MGAT4C: variants seen among roughly 807,000 people sequenced by gnomAD.
MGAT4C encodes the protein alpha-1,3-mannosyl-glycoprotein 4-beta-N-acetylglucosaminyltransferase C.
In MGAT4C, 19 loss-of-function variants were observed where a neutral mutation model predicts 40.1. The observed-to-expected ratio is 0.47, with a 90% CI of 0.33 to 0.70. The LOEUF (loss-of-function observed/expected upper bound fraction) is 0.70, where lower values mean the gene tolerates loss of function less well. Ranked by LOEUF, MGAT4C falls within the 30% of genes least tolerant of loss-of-function variation. MGAT4C has a pLI of 0.02. For missense variants in MGAT4C, 491 were observed against 563.2 expected, an observed-to-expected ratio of 0.87 and a Z score of 1.30; for synonymous variants, 181 against 187.1, an observed-to-expected ratio of 0.97 and a Z score of 0.27.
rs139230818 is a variant in MGAT4C at position 86,368,539 on chromosome 12, CCATCTTAGCA to C, written c.-119-34422_-119-34413del. Among the ~76,000 whole-genome samples, 1,092 of 151,764 alleles carry C rather than the reference CCATCTTAGCA, an allele frequency of 7.2e-3. 15 individuals carry two copies. The highest frequency in any genetic ancestry group is 0.025 in the African/African-American group (1,049 of 41,414). ...TGTAGGTGATTATCACTATAAACTT[CCATCTTAGCA>C]CTGCTTTTGCTACATCTCATAAGAT... On this transcript the variant is annotated intron_variant, in intron 3 of 7. Transcript: ENST00000548651.
chr12:86,767,804 C>A (rs1325050859), intron 1 of MGAT4C, among the ~76,000 whole-genome samples: 1 of 152,060 alleles, frequency 6.6e-6, no homozygotes, highest in African/African-American at 2.4e-5. Flanking sequence ...AGGCCTTTGA[C>A]AAAATTCAAC....
chr12:86,295,462 G>A (rs980371170), intron 4 of MGAT4C, among the ~76,000 whole-genome samples: 1 of 152,152 alleles, frequency 6.6e-6, no homozygotes, highest in African/African-American at 2.4e-5. Context: ...CAGGAGTGAA[G>A]CTGCAGATTT....
At chr12:86,231,555 A>G (rs968188870) in intron 1 of MGAT4C, among the ~76,000 whole-genome samples, 2 of 152,308 alleles carry the variant, frequency 1.3e-5, no homozygotes, top group South Asian at 2.1e-4. Flanking sequence ...TTAATAAATA[A>G]TGTCTTTATA....
chr12:86,210,926 A>G (rs999201873), intron 1 of MGAT4C, among the ~76,000 whole-genome samples: 4 of 152,086 alleles, frequency 2.6e-5, no homozygotes, highest in Non-Finnish European at 5.9e-5. Flanking sequence ...TCACCTTGCT[A>G]TCAGTTTGTT....
chr12:86,207,521 A>G (rs552760756), intron 1 of MGAT4C, among the ~76,000 whole-genome samples: 48 of 152,284 alleles, frequency 3.2e-4, no homozygotes, highest in Non-Finnish European at 5.3e-4. Flanking sequence ...ATTTTGAAGA[A>G]TGAATACAAG....
At chr12:86,445,745 G>C (rs1266282286) in intron 2 of MGAT4C, among the ~76,000 whole-genome samples, 1 of 152,058 alleles carries the variant, frequency 6.6e-6, no homozygotes, top group African/African-American at 2.4e-5. Context: ...GACAACATGA[G>C]TGAGTCTCAA....
At chr12:86,670,272 G>A (rs568626995) in intron 2 of MGAT4C, among the ~76,000 whole-genome samples, 2 of 152,076 alleles carry the variant, frequency 1.3e-5, no homozygotes, top group African/African-American at 4.8e-5. Flanking sequence ...GAAGCTCAAT[G>A]AATTCCAACT....
At chr12:85,997,424 C>G (rs1255188654) in intron 2 of MGAT4C, among the ~76,000 whole-genome samples, 1 of 152,160 alleles carries the variant, frequency 6.6e-6, no homozygotes, top group African/African-American at 2.4e-5. Flanking sequence ...AACAGTCCCT[C>G]AAAGTCTAAA....
intron 1 of MGAT4C, among the ~76,000 whole-genome samples, chr12:86,741,606 C>G (rs77577837): frequency 0.012 from 1,811 of 151,488 alleles, 29 homozygotes; most frequent in African/African-American, 0.042. Context: ...ATAAAATTTA[C>G]TTTTAACTCA....
intron 3 of MGAT4C, among the ~76,000 whole-genome samples, chr12:86,392,851 C>T (rs1355067306): frequency 6.6e-6 from 1 of 152,148 alleles, no homozygotes; most frequent in Non-Finnish European, 1.5e-5. Flanking sequence ...AATTCATCAT[C>T]AATTTGTACA....
intron 1 of MGAT4C, among the ~76,000 whole-genome samples, chr12:86,788,527 A>C (rs1951971928): frequency 6.6e-6 from 1 of 152,080 alleles, no homozygotes; most frequent in Admixed American, 6.6e-5. Context: ...CTTTTCCTTT[A>C]AATCTAGGAG....
At chr12:86,308,301 T>C (rs1327950137) in intron 4 of MGAT4C, among the ~76,000 whole-genome samples, 2 of 150,602 alleles carry the variant, frequency 1.3e-5, no homozygotes, top group Non-Finnish European at 2.9e-5. Flanking sequence ...TTGTTTCAAG[T>C]GCCTGTTAGA....
intron 4 of MGAT4C, among the ~76,000 whole-genome samples, chr12:86,273,496 A>C (rs1453380495): frequency 6.6e-6 from 1 of 152,142 alleles, no homozygotes; most frequent in Non-Finnish European, 1.5e-5. Flanking sequence ...AATACAAACA[A>C]ATATATACAG....
At chr12:86,443,795 C>T (rs991690093) in intron 2 of MGAT4C, among the ~76,000 whole-genome samples, 2 of 152,064 alleles carry the variant, frequency 1.3e-5, no homozygotes, top group Non-Finnish European at 2.9e-5. Context: ...AGGGTTTCGC[C>T]TTGTTAGCCA....
intron 3 of MGAT4C, among the ~76,000 whole-genome samples, chr12:86,424,729 A>T (rs5022626): frequency 0.093 from 14,118 of 152,150 alleles, 890 homozygotes; most frequent in Middle Eastern, 0.24. Context: ...TTCTTATAAC[A>T]ATCTAATAAA....
chr12:86,154,605 C>A (rs1014116383), intron 1 of MGAT4C, among the ~76,000 whole-genome samples: 13 of 152,158 alleles, frequency 8.5e-5, no homozygotes, highest in Admixed American at 7.2e-4. Flanking sequence ...AACCTGTGCA[C>A]AGTGAATCTG....
intron 2 of MGAT4C, among the ~76,000 whole-genome samples, chr12:86,014,490 A>G (rs1424078389): frequency 6.6e-6 from 1 of 152,142 alleles, no homozygotes; most frequent in Non-Finnish European, 1.5e-5. Flanking sequence ...CTGCCTGCAA[A>G]TGATCTCAGT....
intron 2 of MGAT4C, among the ~76,000 whole-genome samples, chr12:86,626,013 A>T (rs1241000634): frequency 6.6e-6 from 1 of 152,192 alleles, no homozygotes; most frequent in African/African-American, 2.4e-5. Flanking sequence ...AAACCTAAAA[A>T]TATGAATAAT....
At chr12:86,285,437 T>A (rs1953329591) in intron 4 of MGAT4C, among the ~76,000 whole-genome samples, 1 of 152,108 alleles carries the variant, frequency 6.6e-6, no homozygotes, top group South Asian at 2.1e-4. Context: ...AACTCATTTA[T>A]ACAACACACA....
Sources: allele counts gnomAD v4.1 joint callset (sites outside exome capture counted in the v4.1 genomes callset), GRCh38; gene constraint gnomAD v4.1.1; transcripts MANE v1.5; gene names NCBI Gene and HGNC (gene_info 2026-07-23, HGNC 2026-07-21).